The following RFX6 variants were observed in gnomAD, a reference collection of about 807,000 sequenced individuals.
RFX6 encodes DNA-binding protein RFX6.
RFX6 carries 50 observed loss-of-function variants against 110.8 expected under a neutral mutation model. The observed-to-expected ratio is 0.45, with a 90% CI of 0.36 to 0.57. The LOEUF (loss-of-function observed/expected upper bound fraction) is 0.57, where lower values mean the gene tolerates loss of function less well. Ranked by LOEUF, RFX6 falls within the 20% of genes least tolerant of loss-of-function variation. The pLI is 0.00. For synonymous variants in RFX6, 383 were observed against 411.2 expected (o/e 0.93, Z 0.83); for missense variants, 990 against 1,127.0 (o/e 0.88, Z 1.74).
chr6:116,914,619 A>T (rs1057220416), intron 7 of RFX6, among the ~76,000 whole-genome samples: 2 of 152,222 alleles, frequency 1.3e-5, no homozygotes, highest in Non-Finnish European at 2.9e-5. Context: ...TTCTATAGTC[A>T]GCACAGCTCC....
chr6:116,892,084 C>G (rs1774842808), intron 4 of RFX6, among the ~76,000 whole-genome samples: 1 of 152,198 alleles, frequency 6.6e-6, no homozygotes, highest in African/African-American at 2.4e-5. Flanking sequence ...TTTACCTTGA[C>G]CACCATATAT....
chr6:116,894,932 G>A (rs1774910557), intron 5 of RFX6, among the ~76,000 whole-genome samples: 1 of 152,042 alleles, frequency 6.6e-6, no homozygotes, highest in African/African-American at 2.4e-5. Flanking sequence ...TTAATAGTGA[G>A]TGTCCTTTAC....
Position 116,896,414 on chromosome 6 carries a change from A to G in RFX6, c.672+1207A>G, listed in dbSNP as rs1292496259. On this transcript the variant is annotated intron_variant, in intron 6 of 18. Coordinates refer to ENST00000332958, the MANE Select transcript of RFX6 (RefSeq NM_173560.4). ...ATAATAGTGTACCATTACTTTGATG[A>G]TTATAGAAATTAACACAACTAAGAG... Among the ~76,000 whole-genome samples the G allele has an allele frequency of 2.0e-5, 3 of 152,222 alleles. No individual in the cohort carries two copies. The East Asian group carries it at 5.8e-4, about 29-fold the overall frequency.
intron 2 of RFX6, among the ~76,000 whole-genome samples, chr6:116,879,948 T>C (rs530428401): frequency 6.8e-4 from 103 of 152,136 alleles, no homozygotes; most frequent in Non-Finnish European, 1.1e-3. Context: ...CTTTTAAGTG[T>C]ATAGGATGTT....
At chr6:116,902,057 A>T (rs1775087220) in intron 6 of RFX6, among the ~76,000 whole-genome samples, 1 of 152,094 alleles carries the variant, frequency 6.6e-6, no homozygotes. Flanking sequence ...TCATCTCAAA[A>T]ACCTAAAGTT....
In RFX6 at chr6:116,931,515, T is replaced by A. The variant is rs776492057; in HGVS notation, c.*9T>A. On this transcript the variant is annotated 3_prime_UTR_variant, in exon 19 of 19. Transcript: ENST00000332958. ...CAGCTGGAGGCACTTAAACCACCAA[T>A]GTGGGAGGGGGTGCTAAAACTTTAA... is the stretch of plus-strand genomic sequence containing the variant. 2.9e-5 allele frequency: 46 copies of A among 1,604,856 alleles called. No individual in the cohort carries two copies. Among genetic ancestry groups the A allele is most frequent in the Non-Finnish European group, 3.8e-5 (44 of 1,172,476 alleles).
chr6:116,908,671 C>A (rs1562141650), intron 6 of RFX6, among the ~76,000 whole-genome samples: 1 of 62,050 alleles, frequency 1.6e-5, no homozygotes, highest in East Asian at 4.1e-4. Flanking sequence ...TTCTAGCATA[C>A]ACACACACAC....
chr6:116,896,895 G>C (rs1774959972), intron 6 of RFX6, among the ~76,000 whole-genome samples: 1 of 152,164 alleles, frequency 6.6e-6, no homozygotes, highest in South Asian at 2.1e-4. Context: ...GTCAGAGAAA[G>C]ATTCTATTTT....
chr6:116,914,545 A>G (rs1258836964), intron 7 of RFX6, among the ~76,000 whole-genome samples: 1 of 152,218 alleles, frequency 6.6e-6, no homozygotes, highest in Admixed American at 6.5e-5. Flanking sequence ...AAAATATAAT[A>G]GCATTGCCTG....
Position 116,925,518 on chromosome 6 carries a change from A to T in RFX6, c.1744A>T (p.Ser582Cys). The change falls in exon 16 of 19, where the codon AGC becomes TGC. Residue 582 changes from serine to cysteine, a missense_variant. Around this residue, in one of 5 missense-constraint regions of RFX6, gnomAD observed 438 missense variants for 441.9 expected, o/e 0.99. Coordinates refer to ENST00000332958, the MANE Select transcript of RFX6 (RefSeq NM_173560.4). ...CTTTCTGGCCAACCGTAATAAAGGG[A>T]GCATGGTTTCCAGCGACGCTGTGAA... ...SCFLANRNKG[S>C]MVSSDAVKNE... 6.2e-7 allele frequency: 1 copy of T among 1,614,140 alleles called. No homozygotes were observed. Among genetic ancestry groups the T allele is most frequent in the Non-Finnish European group, 8.5e-7 (1 of 1,179,990 alleles).
At chr6:116,899,784 A>C (rs1056173146) in intron 6 of RFX6, among the ~76,000 whole-genome samples, 1 of 152,192 alleles carries the variant, frequency 6.6e-6, no homozygotes, top group East Asian at 1.9e-4. Flanking sequence ...CTAAGCATAA[A>C]AGCAGTTTAA....
At chr6:116,921,422 T>G (rs1392537220) in intron 12 of RFX6, among the ~76,000 whole-genome samples, 1 of 152,178 alleles carries the variant, frequency 6.6e-6, no homozygotes, top group Non-Finnish European at 1.5e-5. Flanking sequence ...TTAACTAATC[T>G]GTTCCGTTTA....
At chr6:116,907,275 A>C (rs955611713) in intron 6 of RFX6, among the ~76,000 whole-genome samples, 3 of 151,792 alleles carry the variant, frequency 2.0e-5, no homozygotes, top group Non-Finnish European at 4.4e-5. Flanking sequence ...TTTTGTGGAG[A>C]GTTTTTGCAT....
intron 6 of RFX6, among the ~76,000 whole-genome samples, chr6:116,897,671 T>G (rs988581689): frequency 1.1e-4 from 17 of 152,156 alleles, no homozygotes; most frequent in Admixed American, 7.2e-4. Context: ...AGCCAGTAGA[T>G]CCATTGGAGG....
At position 116,894,590 on chromosome 6, in the gene RFX6, A is replaced by G. The variant is rs1774901155; in HGVS notation, c.644+526A>G. Among the ~76,000 whole-genome samples, 3 of 152,114 alleles carry G rather than the reference A, an allele frequency of 2.0e-5. No individual in the cohort carries two copies. In the South Asian group the frequency reaches 6.2e-4, roughly 31 times the overall value. On this transcript the variant is annotated intron_variant, in intron 5 of 18. Transcript: ENST00000332958. The stretch of plus-strand genomic sequence containing the variant: ...AAACATGAATGAAAATAAACAGCAC[A>G]TTGCTCTAAGCCACTGTTAACTATC...
At position 116,927,277 on chromosome 6, in the gene RFX6, C is replaced by G. The variant is rs1159693630; in HGVS notation, c.2136C>G (p.His712Gln). The G allele has an allele frequency of 1.2e-6, 2 of 1,614,216 alleles. No homozygotes were observed. Among genetic ancestry groups the G allele is most frequent in the East Asian group, 4.5e-5 (2 of 44,884 alleles). ...NYQTVFRAQP[H>Q]STSGLYPHHT... ...AGACTGTGTTTAGGGCACAGCCCCA[C>G]TCCACATCAGGACTCTATCCTCATC... Residue 712 changes from histidine (H) to glutamine (Q), a missense_variant, in exon 17 of 19, where the codon CAC (histidine) becomes CAG (glutamine). By Grantham distance (24) the His-to-Gln change is conservative. Transcript: ENST00000332958.
chr6:116,895,629 G>C (rs1774927175), intron 6 of RFX6, among the ~76,000 whole-genome samples: 1 of 148,306 alleles, frequency 6.7e-6, no homozygotes, highest in East Asian at 2.0e-4. Flanking sequence ...ACTATGGTTT[G>C]TTTTACTACT....
chr6:116,892,393 T>TCCCTGGGG (rs1384752924), intron 4 of RFX6, among the ~76,000 whole-genome samples: 1 of 152,148 alleles, frequency 6.6e-6, no homozygotes, highest in Non-Finnish European at 1.5e-5. Flanking sequence ...CACTTCTGGG[T>TCCCTGGGG]CCCTGGGGCC....
intron 4 of RFX6, among the ~76,000 whole-genome samples, chr6:116,882,873 C>T (rs1774620481): frequency 6.6e-6 from 1 of 152,112 alleles, no homozygotes; most frequent in Admixed American, 6.5e-5. Context: ...AGACAAATGA[C>T]ATGCACAGAT....
Sources: allele counts gnomAD v4.1 joint callset (sites outside exome capture counted in the v4.1 genomes callset), GRCh38; gene constraint gnomAD v4.1.1; regional missense constraint gnomAD v4.1.1; transcripts MANE v1.5; gene names NCBI Gene and HGNC (gene_info 2026-07-23, HGNC 2026-07-21).